DLG1: variants seen among roughly 807,000 people sequenced by gnomAD.
DLG1 encodes the protein discs large MAGUK scaffold protein 1.
Under a neutral mutation model 123.4 loss-of-function variants are expected in DLG1, and 42 were observed. The ratio of observed to expected loss-of-function variants is 0.34; its 90% CI spans 0.27 to 0.44. The LOEUF is 0.44. Among genes scored for constraint, DLG1 ranks in the 20% least tolerant of loss-of-function variants. The pLI, the probability that DLG1 is intolerant of heterozygous loss-of-function variation, is 1.00. For synonymous variants in DLG1, 317 were observed against 356.2 expected (o/e 0.89, Z 1.24); for missense variants, 942 against 1,082.6 (o/e 0.87, Z 1.82).
At chr3:197,112,582 GGTTT>G (rs1268486650) in intron 13 of DLG1, among the ~76,000 whole-genome samples, 2 of 151,758 alleles carry the variant, frequency 1.3e-5, no homozygotes, top group Non-Finnish European at 2.9e-5. Flanking sequence ...TTGCCTATTT[GGTTT>G]TTTTCTTTCT....
intron 10 of DLG1, among the ~76,000 whole-genome samples, chr3:197,131,838 C>T (rs1782774683): frequency 6.6e-6 from 1 of 151,846 alleles, no homozygotes; most frequent in Admixed American, 6.6e-5. Context: ...CGTGATCCGC[C>T]CGCCTCGGCC....
chr3:197,180,527 A>T (rs551075777), intron 5 of DLG1, among the ~76,000 whole-genome samples: 1 of 152,322 alleles, frequency 6.6e-6, no homozygotes, highest in Admixed American at 6.5e-5. Flanking sequence ...AAGTTTCACC[A>T]ATGTAATTCA....
In DLG1 at chr3:197,161,828, A is replaced by G. The variant is rs553909272; in HGVS notation, c.484-12032T>C. The G allele has an allele frequency of 7.8e-6, 6 of 772,096 alleles. No individual in the cohort carries two copies. The South Asian group carries it at 9.5e-5, about 12-fold the overall frequency. 47.8% of individuals were successfully genotyped at this position (772,096 alleles called of 1,614,324 possible). A position where few individuals can be genotyped will look rare whatever the true frequency, so the allele number is the denominator to read the frequency against. ...AAGCTGTGCCATAAAGATAAATTAT[A>G]GTTTTCAGAAATAACTATGCAACAG... On this transcript the variant is annotated intron_variant, in intron 5 of 24. Coordinates refer to ENST00000667157, the MANE Select transcript of DLG1 (RefSeq NM_001366207.1).
At chr3:197,219,240 G>C (rs1416719924) in intron 4 of DLG1, among the ~76,000 whole-genome samples, 1 of 152,082 alleles carries the variant, frequency 6.6e-6, no homozygotes, top group African/African-American at 2.4e-5. Context: ...TTTCTTCTTT[G>C]GTAGTAGCAA....
At chr3:197,288,743 A>ACATACATACATAC (rs1553827363) in intron 3 of DLG1, among the ~76,000 whole-genome samples, 809 of 71,536 alleles carry the variant, frequency 0.011, 7 homozygotes, top group Middle Eastern at 0.039. Flanking sequence ...AAAAAAAAAA[A>ACATACATACATAC]ATACATACAT....
chr3:197,235,513 C>T (rs1029149389), intron 4 of DLG1, among the ~76,000 whole-genome samples: 2 of 152,160 alleles, frequency 1.3e-5, no homozygotes, highest in African/African-American at 4.8e-5. Context: ...TCAATAAACA[C>T]TTGTAGTAAT....
intron 4 of DLG1, among the ~76,000 whole-genome samples, chr3:197,252,835 C>A (rs75689811): frequency 6.6e-6 from 1 of 152,112 alleles, no homozygotes; most frequent in Admixed American, 6.5e-5. Flanking sequence ...TTACTATACA[C>A]TTTAAAATGG....
At chr3:197,173,010 C>T (rs1485472078) in intron 5 of DLG1, among the ~76,000 whole-genome samples, 2 of 152,088 alleles carry the variant, frequency 1.3e-5, no homozygotes, top group Admixed American at 6.5e-5. Flanking sequence ...TCCTTTGTTC[C>T]CCTACAGGTA....
intron 21 of DLG1, 48 bp from the exon 22 acceptor site, chr3:197,065,496 C>A (rs767887500): frequency 4.7e-5 from 66 of 1,394,734 alleles, no homozygotes; most frequent in Admixed American, 1.4e-4. Flanking sequence ...AAAAAAAAAA[C>A]CACAATAAAT....
At chr3:197,120,911 G>T (rs1457696812) in intron 11 of DLG1, among the ~76,000 whole-genome samples, 1 of 152,154 alleles carries the variant, frequency 6.6e-6, no homozygotes, top group Non-Finnish European at 1.5e-5. Flanking sequence ...TCTTTCCTGG[G>T]TGGTCAGTAA....
chr3:197,071,484 G>A (rs960408972), intron 18 of DLG1, among the ~76,000 whole-genome samples: 1 of 148,458 alleles, frequency 6.7e-6, no homozygotes, highest in Non-Finnish European at 1.5e-5. Context: ...ATCAAATTCT[G>A]CAGGTTCTTT....
chr3:197,209,490 A>G (rs1255012422), intron 4 of DLG1, among the ~76,000 whole-genome samples: 2 of 146,778 alleles, frequency 1.4e-5, no homozygotes, highest in Non-Finnish European at 3.1e-5. Context: ...TACAAATATA[A>G]GACAAATTGA....
chr3:197,083,359 T>C (rs1227435618), intron 16 of DLG1, among the ~76,000 whole-genome samples: 1 of 152,180 alleles, frequency 6.6e-6, no homozygotes, highest in Non-Finnish European at 1.5e-5. Flanking sequence ...AATTAACTAG[T>C]TATAATAAAC....
At chr3:197,265,565 C>T (rs147102381) in intron 4 of DLG1, among the ~76,000 whole-genome samples, 85 of 152,272 alleles carry the variant, frequency 5.6e-4, no homozygotes, top group South Asian at 5.2e-3. Context: ...CTGCAGAGTT[C>T]CCCTCGAGTC....
intron 5 of DLG1, among the ~76,000 whole-genome samples, chr3:197,186,994 T>C (rs773227235): frequency 2.4e-4 from 36 of 152,172 alleles, no homozygotes; most frequent in Non-Finnish European, 4.1e-4. Flanking sequence ...GTAACGTAAA[T>C]GCAATATAAC....
intron 10 of DLG1, among the ~76,000 whole-genome samples, chr3:197,134,988 C>T (rs949797447): frequency 5.3e-5 from 8 of 152,114 alleles, no homozygotes; most frequent in South Asian, 4.2e-4. Flanking sequence ...TTATGATGCC[C>T]GGATGGTTTT....
chr3:197,201,727 T>A (rs915538154), intron 4 of DLG1, among the ~76,000 whole-genome samples: 13 of 152,056 alleles, frequency 8.5e-5, no homozygotes, highest in African/African-American at 3.1e-4. Flanking sequence ...TGAATATAGT[T>A]AAAATGACCA....
chr3:197,276,369 T>C (rs940293716), intron 4 of DLG1, among the ~76,000 whole-genome samples: 4 of 152,224 alleles, frequency 2.6e-5, no homozygotes, highest in African/African-American at 9.6e-5. Flanking sequence ...AAGTTGTCTT[T>C]CAAATTAGTT....
chr3:197,138,454 T>G, intron 8 of DLG1, 63 bp from the exon 9 acceptor site: 1 of 910,422 alleles, frequency 1.1e-6, no homozygotes, highest in Non-Finnish European at 1.4e-6. Context: ...AATTTTCCAC[T>G]TTACCAATTT....
Sources: allele counts gnomAD v4.1 joint callset (sites outside exome capture counted in the v4.1 genomes callset), GRCh38; gene constraint gnomAD v4.1.1; transcripts MANE v1.5; gene names NCBI Gene and HGNC (gene_info 2026-07-23, HGNC 2026-07-21).